Variants in OCRL observed in about 807,000 individuals in gnomAD.
OCRL encodes the protein inositol polyphosphate 5-phosphatase OCRL.
Under a neutral mutation model 78.9 loss-of-function variants are expected in OCRL, and 8 were observed. The ratio of observed to expected loss-of-function variants is 0.10; its 90% confidence interval spans 0.06 to 0.18. The LOEUF (loss-of-function observed/expected upper bound fraction) is 0.18, where lower values mean the gene tolerates loss of function less well. Ranked by LOEUF, OCRL falls within the 10% of genes least tolerant of loss-of-function variation. The pLI is 1.00. For synonymous variants in OCRL, 240 were observed against 235.4 expected, an observed-to-expected ratio of 1.02 and a Z score of -0.18; for missense variants, 454 against 696.7, an observed-to-expected ratio of 0.65 and a Z score of 3.92.
chrX:129,547,824 C>CA (rs1471741539), intron 3 of OCRL, among the ~76,000 whole-genome samples: 2 of 111,500 alleles, frequency 1.8e-5, no homozygotes, highest in African/African-American at 6.5e-5. Context: ...AGGCTAATCC[C>CA]AAGGAGTCAG....
At chrX:129,569,223 G>C (rs1939119577) in intron 14 of OCRL, 41 bp from the exon 15 acceptor site, 3 of 1,198,938 alleles carry the variant, frequency 2.5e-6, no homozygotes, top group Admixed American at 2.2e-5. Context: ...TTATGTTCTT[G>C]TGTGATATGT....
At chrX:129,551,709 C>T (rs1414171080) in intron 4 of OCRL, among the ~76,000 whole-genome samples, 1 of 112,820 alleles carries the variant, frequency 8.9e-6, no homozygotes, top group African/African-American at 3.2e-5. Context: ...GCTGGGATTA[C>T]AGGCGTGAGC....
chrX:129,568,744 A>G (rs1936256063), intron 14 of OCRL, among the ~76,000 whole-genome samples: 2 of 112,532 alleles, frequency 1.8e-5, no homozygotes, highest in African/African-American at 3.2e-5. Flanking sequence ...CTTGTCCATA[A>G]ATGTCTGGTT....
intron 18 of OCRL, among the ~76,000 whole-genome samples, chrX:129,578,057 A>G (rs1353156135): frequency 9.0e-6 from 1 of 111,509 alleles, no homozygotes; most frequent in Admixed American, 9.6e-5. Flanking sequence ...GTACATATAT[A>G]CACACAGATG....
intron 4 of OCRL, among the ~76,000 whole-genome samples, chrX:129,554,657 C>G (rs1428169283): frequency 8.9e-6 from 1 of 111,857 alleles, no homozygotes; most frequent in Non-Finnish European, 1.9e-5. Flanking sequence ...TAAACAGACT[C>G]CATTAAGAGG....
intron 15 of OCRL, 87 bp downstream of exon 15, chrX:129,569,486 C>A: frequency 2.0e-6 from 2 of 996,847 alleles, no homozygotes; most frequent in East Asian, 6.1e-5. Context: ...ATCAGTAATT[C>A]AGCAAGCCAT....
At chrX:129,542,269 G>A (rs376114966) in intron 2 of OCRL, among the ~76,000 whole-genome samples, 30 of 106,756 alleles carry the variant, frequency 2.8e-4, no homozygotes, top group African/African-American at 1.0e-3. Context: ...TAAGTTATGG[G>A]GGTATAGTTG....
chrX:129,553,364 CTG>C (rs1434786981), intron 4 of OCRL: 1 of 112,041 alleles, frequency 8.9e-6, no homozygotes. Flanking sequence ...AAGTCTGTGA[CTG>C]TGTGTCTTTT....
rs767319603 is a variant in OCRL at position 129,558,873 on chromosome X, G to A, written c.594G>A (p.Glu198=). The change falls in exon 8 of 24, where the codon GAG becomes GAA. Residue 198 remains glutamate, a synonymous_variant. Coordinates refer to ENST00000371113, the MANE Select transcript of OCRL (RefSeq NM_000276.4). ...LPREKEASNK[E]QPKVTNTMRK... ...GTGAAAAAGAAGCTTCTAACAAGGA[G>A]CAGCCCAAAGTGACCAACACCATGC... 5.8e-6 allele frequency: 7 copies of A among 1,211,980 alleles called. No homozygotes were observed. In the South Asian group the frequency reaches 1.1e-4, roughly 18 times the overall value.
In OCRL at chrX:129,588,280, A is replaced by C. The variant is rs1484833331; in HGVS notation, c.2341+17A>C. ...AGACAATCCGTATCCTTTGCGACCA[A>C]AGCTTAAGAAGCTGGATGAGTACTT... On this transcript the variant is annotated intron_variant, in intron 21 of 23. Coordinates refer to ENST00000371113, the MANE Select transcript of OCRL (RefSeq NM_000276.4). 1 of 1,090,578 alleles carries C rather than the reference A, an allele frequency of 9.2e-7. No homozygotes were observed. The highest frequency in any genetic ancestry group is 1.8e-5 in the African/African-American group (1 of 55,004). The allele number at this position is 1,090,578 out of a possible 1,213,427, so 89.9% of individuals were successfully genotyped here.
chrX:129,549,382 G>C (rs1484343743), intron 4 of OCRL, among the ~76,000 whole-genome samples: 2 of 112,416 alleles, frequency 1.8e-5, no homozygotes, highest in Non-Finnish European at 3.8e-5. Context: ...CTTATCTCTT[G>C]GTTGAGTCCT....
At chrX:129,542,850 C>A (rs1030668760) in intron 2 of OCRL, among the ~76,000 whole-genome samples, 2 of 111,739 alleles carry the variant, frequency 1.8e-5, no homozygotes, top group Admixed American at 1.9e-4. Context: ...GAACTTTTTA[C>A]TTTTGGCTTT....
intron 15 of OCRL, among the ~76,000 whole-genome samples, chrX:129,573,476 C>T (rs773128457): frequency 1.1e-4 from 12 of 111,736 alleles, no homozygotes; most frequent in Non-Finnish European, 1.7e-4. Flanking sequence ...TGAGAATATG[C>T]GGTGCTTGGT....
At chrX:129,541,906 G>T (rs772032215) in intron 2 of OCRL, among the ~76,000 whole-genome samples, 1 of 112,047 alleles carries the variant, frequency 8.9e-6, no homozygotes, top group Admixed American at 9.5e-5. Context: ...TCTTTCATAG[G>T]TCCTGCTTAG....
intron 13 of OCRL, 113 bp from the exon 14 acceptor site, chrX:129,567,141 T>C (rs1936226823): frequency 1.8e-6 from 1 of 545,824 alleles, no homozygotes; most frequent in Admixed American, 2.7e-5. Context: ...ACTACAGTTG[T>C]AAAGGTTGTG....
intron 20 of OCRL, among the ~76,000 whole-genome samples, chrX:129,587,370 C>G (rs1282735383): frequency 1.8e-5 from 2 of 111,195 alleles, no homozygotes; most frequent in Non-Finnish European, 3.8e-5. Flanking sequence ...TTAAGAGCAC[C>G]TGTCTCCTGG....
chrX:129,564,717 G>A (rs1936192889), intron 12 of OCRL, among the ~76,000 whole-genome samples: 1 of 107,719 alleles, frequency 9.3e-6, no homozygotes, highest in African/African-American at 3.4e-5. Context: ...TCTGGGGACT[G>A]TTGTGGGGTG....
At position 129,545,001 on chromosome X, in the gene OCRL, A is replaced by G. The variant is rs989911294; in HGVS notation, c.163A>G (p.Ile55Val). Residue 55 changes from isoleucine to valine, a missense_variant, in exon 3 of 24, where the codon ATC (isoleucine) becomes GTC (valine). This residue lies in a region of OCRL where 177 missense variants were observed against 179.6 expected (regional missense o/e 0.99). Transcript: ENST00000371113. ...TGAGAAGGAACAGCATGTTCAAGAT[A>G]TCATTCCTATAAATAGCCACTTCAG... is the stretch of plus-strand genomic sequence containing the variant. The part of the protein sequence containing the change: ...LHEKEQHVQD[I>V]IPINSHFRCV... 3.5e-6 allele frequency: 4 copies of G among 1,151,219 alleles called. No individual in the cohort carries two copies. The highest frequency in any genetic ancestry group is 4.8e-6 in the Non-Finnish European group (4 of 841,560). The allele number at this position is 1,151,219 out of a possible 1,213,427, so 94.9% of individuals were successfully genotyped here.
rs1188783981 is a variant in OCRL, at chrX:129,587,270, T to C, written c.2256+152T>C. The stretch of plus-strand genomic sequence containing the variant: ...ATCGACTGGGTGGGTGGAAGTGTCC[T>C]AGTCACAGATGTCACAGCTGAAGCA... On this transcript the variant is annotated intron_variant, in intron 20 of 23. Coordinates refer to ENST00000371113, the MANE Select transcript of OCRL (RefSeq NM_000276.4). 6 of 500,508 alleles carry C rather than the reference T, an allele frequency of 1.2e-5. No homozygotes were observed. In the East Asian group the frequency reaches 1.4e-4, roughly 12 times the overall value. 41.2% of individuals were successfully genotyped at this position (500,508 alleles called of 1,213,427 possible). A position where few individuals can be genotyped will look rare whatever the true frequency, so the allele number is the denominator to read the frequency against.
Sources: allele counts gnomAD v4.1 joint callset (sites outside exome capture counted in the v4.1 genomes callset), GRCh38; gene constraint gnomAD v4.1.1; regional missense constraint gnomAD v4.1.1; transcripts MANE v1.5; gene names NCBI Gene and HGNC (gene_info 2026-07-23, HGNC 2026-07-21).